Variants in PSTK observed in about 807,000 individuals in gnomAD.
The protein encoded by PSTK is phosphoseryl-tRNA kinase, also known as L-seryl-tRNA(Sec) kinase.
A neutral mutation model predicts 38.6 loss-of-function variants in PSTK; 26 were observed. The observed-to-expected ratio is 0.67, with a 90% CI of 0.49 to 0.94. PSTK has a LOEUF of 0.94. PSTK is among the 40% of genes least tolerant of loss of function. PSTK has a pLI of 0.00. For missense variants in PSTK, 445 were observed against 436.3 expected (o/e 1.02, Z -0.18); for synonymous variants, 181 against 161.7 (o/e 1.12, Z -0.91).
chr10:122,982,429 C>T (rs752065000), intron 1 of PSTK: 46 of 301,616 alleles, frequency 1.5e-4, no homozygotes, highest in Non-Finnish European at 2.4e-4. Context: ...AATGCTTAAA[C>T]TGTGTAAGCA....
At chr10:122,987,498 G>T (rs1247050964) in intron 5 of PSTK, 1 of 1,613,756 alleles carries the variant, frequency 6.2e-7, no homozygotes, top group Non-Finnish European at 8.5e-7. Context: ...ATTGAGCACG[G>T]GGTGAGGTAA....
intron 3 of PSTK, chr10:122,985,491 T>C (rs1043498072): frequency 6.6e-6 from 1 of 152,258 alleles, no homozygotes; most frequent in Non-Finnish European, 1.5e-5. Flanking sequence ...CATGTGGTTG[T>C]ACAGTATTTT....
At chr10:122,987,880 T>C (rs1849058254) in intron 5 of PSTK, among the ~76,000 whole-genome samples, 1 of 152,210 alleles carries the variant, frequency 6.6e-6, no homozygotes, top group Non-Finnish European at 1.5e-5. Flanking sequence ...CAGAATTACA[T>C]CCAGTTCCAG....
Position 122,986,968 on chromosome 10 carries a change from A to G in PSTK, c.877+6A>G, listed in dbSNP as rs747605131. Reference sequence around the variant, plus strand: ...GACAATGAAGGAAGCAAAAGGTATGATGTGTCAGTTATGTGTTGAGTTGGT... The same window carrying G: ...GACAATGAAGGAAGCAAAAGGTATGGTGTGTCAGTTATGTGTTGAGTTGGT... On this transcript the variant is annotated splice_donor_region_variant and intron_variant, in intron 5 of 5. Coordinates refer to ENST00000406217, the MANE Select transcript of PSTK (RefSeq NM_001363531.2). The G allele has an allele frequency of 2.0e-5, 31 of 1,574,690 alleles. No individual in the cohort carries two copies. Among genetic ancestry groups the G allele is most frequent in the East Asian group, 4.5e-5 (2 of 44,670 alleles).
At chr10:122,982,702 A>G in intron 1 of PSTK, 31 bp from the exon 2 acceptor site, 1 of 1,606,666 alleles carries the variant, frequency 6.2e-7, no homozygotes, top group Non-Finnish European at 8.5e-7. Flanking sequence ...TAGTGGCCTA[A>G]TATGAATTGC....
chr10:122,990,058 G>A (rs2133364204), intron 5 of PSTK, 116 bp from the exon 6 acceptor site: 1 of 673,394 alleles, frequency 1.5e-6, no homozygotes, highest in South Asian at 2.2e-5. Context: ...TAACTCAATT[G>A]TGATTGTTTA....
At chr10:122,990,075 C>T (rs1849109312) in intron 5 of PSTK, 99 bp from the exon 6 acceptor site, 4 of 773,966 alleles carry the variant, frequency 5.2e-6, no homozygotes, top group Non-Finnish European at 6.1e-6. Flanking sequence ...TTTATAGAAT[C>T]TAACTGGTTT....
At position 122,983,310 on chromosome 10, in the gene PSTK, CTT is replaced by C. The variant is rs757685175; in HGVS notation, c.548_549del (p.Leu183ArgfsTer17). On this transcript the variant is annotated frameshift_variant, in exon 3 of 6. Transcript: ENST00000406217. LOFTEE classifies it high-confidence loss of function. ...TTGCCAGCTCTTTTTAGATTGTCCTCTTGAGACCTGTTTACAGAGGAATGGCC... is the reference window on the plus strand; with the variant it reads ...TTGCCAGCTCTTTTTAGATTGTCCTCGAGACCTGTTTACAGAGGAATGGCC... ...GFCQLFLDCP[L>X]ETCLQRNGQR... 9.3e-6 allele frequency: 15 copies of C among 1,614,058 alleles called. No homozygotes were observed. The highest frequency in any genetic ancestry group is 1.3e-5 in the Non-Finnish European group (15 of 1,180,024).
At chr10:122,990,030 T>G in intron 5 of PSTK, 144 bp from the exon 6 acceptor site, 1 of 526,874 alleles carries the variant, frequency 1.9e-6, no homozygotes, top group Non-Finnish European at 3.3e-6. Context: ...ATTGAGACCT[T>G]TTTTCTATAT....
At position 122,980,818 on chromosome 10, in the gene PSTK, G is replaced by A. The variant is rs1848950935; in HGVS notation, c.216+123G>A. On this transcript the variant is annotated intron_variant, in intron 1 of 5. Transcript: ENST00000406217. This position sits in a 1 kb window ranked among gnomAD's most constrained non-coding sequence, Gnocchi z 4.3. ...CATGAGCGCCCATTGCTTGGTGTGG[G>A]AGGTGAAGTTCGAGAAAAGTGGAGC... is the stretch of plus-strand genomic sequence containing the variant. 1 of 1,290,034 alleles carries A rather than the reference G, an allele frequency of 7.8e-7. No homozygotes were observed. Among genetic ancestry groups the A allele is most frequent in the Non-Finnish European group, 9.8e-7 (1 of 1,024,396 alleles). 79.9% of individuals were successfully genotyped at this position (1,290,034 alleles called of 1,614,324 possible).
Position 122,986,979 on chromosome 10 carries a change from ATGTGT to A in PSTK, c.877+20_877+24del. The A allele has an allele frequency of 6.6e-7, 1 of 1,512,958 alleles. No homozygotes were observed. Among genetic ancestry groups the A allele is most frequent in the Non-Finnish European group, 9.2e-7 (1 of 1,088,054 alleles). 93.7% of individuals were successfully genotyped at this position (1,512,958 alleles called of 1,614,324 possible). A position where few individuals can be genotyped will look rare whatever the true frequency, so the allele number is the denominator to read the frequency against. The stretch of plus-strand genomic sequence containing the variant: ...AAGCAAAAGGTATGATGTGTCAGTT[ATGTGT>A]TGAGTTGGTATGATTGTGACTTTCT... On this transcript the variant is annotated intron_variant, in intron 5 of 5. Coordinates refer to ENST00000406217, the MANE Select transcript of PSTK (RefSeq NM_001363531.2).
chr10:122,986,840 T>C (rs1849040541), intron 4 of PSTK, 29 bp from the exon 5 acceptor site: 4 of 1,379,372 alleles, frequency 2.9e-6, no homozygotes, highest in Non-Finnish European at 4.1e-6. Context: ...ACTATGTGAC[T>C]TCTAATAACA....
chr10:122,983,600 AGC>A, intron 3 of PSTK, 130 bp downstream of exon 3: 1 of 798,002 alleles, frequency 1.3e-6, no homozygotes, highest in Non-Finnish European at 1.9e-6. Flanking sequence ...TTTGTGTGGA[AGC>A]TAAAAGTGAA....
chr10:122,980,736 GGGGC>G lies in PSTK; in HGVS notation c.216+45_216+48del. On this transcript the variant is annotated intron_variant, in intron 1 of 5. Coordinates refer to ENST00000406217, the MANE Select transcript of PSTK (RefSeq NM_001363531.2). The surrounding 1 kb of genome is among the most constrained non-coding windows in gnomAD (Gnocchi z 4.3). The stretch of plus-strand genomic sequence containing the variant: ...CGGGGCCTGGGCCGCGGGGCGGGGC[GGGGC>G]GGGGCGGGGCGGGGCGGGGACACTC... 1 of 1,284,054 alleles carries G rather than the reference GGGGC, an allele frequency of 7.8e-7. No individual in the cohort carries two copies. The highest frequency in any genetic ancestry group is 9.8e-7 in the Non-Finnish European group (1 of 1,015,664). The allele number at this position is 1,284,054 out of a possible 1,614,324, so 79.5% of individuals were successfully genotyped here. A position where few individuals can be genotyped will look rare whatever the true frequency, so the allele number is the denominator to read the frequency against.
At chr10:122,988,587 A>G (rs1023597356) in intron 5 of PSTK, among the ~76,000 whole-genome samples, 2 of 152,234 alleles carry the variant, frequency 1.3e-5, no homozygotes, top group Non-Finnish European at 2.9e-5. Context: ...CTTACCACTC[A>G]ATAATAAACA....
chr10:122,986,542 T>C (rs1435307234), intron 4 of PSTK, 167 bp downstream of exon 4: 17 of 626,946 alleles, frequency 2.7e-5, no homozygotes, highest in Middle Eastern at 2.5e-4. Flanking sequence ...GCAAAGCCGA[T>C]TGTTAAACTT....
chr10:122,985,347 C>T (rs1328508359), intron 3 of PSTK: 1 of 152,230 alleles, frequency 6.6e-6, no homozygotes, highest in Non-Finnish European at 1.5e-5. Flanking sequence ...TTATCATTGT[C>T]ACTTTATTGT....
At position 122,982,948 on chromosome 10, in the gene PSTK, A is replaced by T. The variant is rs1395617915; in HGVS notation, c.432A>T (p.Arg144Ser). ...CYLLTKTAVSRPLFLVLDDNF... is the reference protein window; with the variant it reads ...CYLLTKTAVSSPLFLVLDDNF... ...TCTTAACAAAAACTGCTGTTTCTAG[A>T]CCTTTGTTTTTGGTTTTGGATGACA... The change falls in exon 2 of 6, where the codon AGA becomes AGT. Residue 144 changes from arginine (R) to serine (S), a missense_variant. Transcript: ENST00000406217. 2 of 1,614,016 alleles carry T rather than the reference A, an allele frequency of 1.2e-6. No individual in the cohort carries two copies. The highest frequency in any genetic ancestry group is 8.5e-7 in the Non-Finnish European group (1 of 1,179,966).
chr10:122,990,122 C>A, intron 5 of PSTK, 52 bp from the exon 6 acceptor site: 1 of 1,216,916 alleles, frequency 8.2e-7, no homozygotes, highest in Non-Finnish European at 1.1e-6. Context: ...CATTAGACAC[C>A]CCGGATTACT....
Sources: gnomAD v4.1 joint callset for allele counts (sites outside exome capture counted in the v4.1 genomes callset) on GRCh38, gnomAD v4.1.1 for gene constraint, Gnocchi (gnomAD v3.1) non-coding constraint, MANE v1.5 for transcripts, NCBI Gene and HGNC (gene_info 2026-07-23, HGNC 2026-07-21) for gene names.